Variants in DLC1 observed in about 807,000 individuals in gnomAD.
DLC1 encodes the protein rho GTPase-activating protein 7.
A neutral mutation model predicts 140.3 loss-of-function variants in DLC1; 54 were observed. The ratio of observed to expected loss-of-function variants is 0.38; its 90% CI spans 0.31 to 0.48. The LOEUF (loss-of-function observed/expected upper bound fraction) is 0.48, where lower values mean the gene tolerates loss of function less well. Among genes scored for constraint, DLC1 ranks in the 20% least tolerant of loss-of-function variants. The pLI, the probability that DLC1 is intolerant of heterozygous loss-of-function variation, is 0.96. For missense variants in DLC1, 2,536 were observed against 1,907.0 expected, an observed-to-expected ratio of 1.33 and a Z score of -6.14; for synonymous variants, 986 against 728.1, an observed-to-expected ratio of 1.35 and a Z score of -5.70.
At chr8:13,601,798 TAAC>T (rs913406433) in intron 1 of DLC1, among the ~76,000 whole-genome samples, 11 of 151,864 alleles carry the variant, frequency 7.2e-5, no homozygotes, top group African/African-American at 2.4e-4. Flanking sequence ...CAATCATATA[TAAC>T]AACAACAACA....
chr8:13,257,500 A>G (rs1274361368), intron 5 of DLC1, among the ~76,000 whole-genome samples: 2 of 151,844 alleles, frequency 1.3e-5, no homozygotes, highest in Non-Finnish European at 2.9e-5. Flanking sequence ...GAATATCACT[A>G]TAGCTATTGG....
chr8:13,488,967 G>C (rs1366445999), intron 2 of DLC1, among the ~76,000 whole-genome samples: 1 of 151,708 alleles, frequency 6.6e-6, no homozygotes, highest in Non-Finnish European at 1.5e-5. Context: ...TATTTTTTGA[G>C]ATGCAGTTTT....
intron 5 of DLC1, among the ~76,000 whole-genome samples, chr8:13,142,022 C>T (rs1226605852): frequency 8.5e-5 from 13 of 152,110 alleles, no homozygotes; most frequent in Admixed American, 2.0e-4. Context: ...ATGCTGTTCT[C>T]GTGATAGTGA....
At chr8:13,189,669 G>T (rs1826629720) in intron 5 of DLC1, among the ~76,000 whole-genome samples, 3 of 152,140 alleles carry the variant, frequency 2.0e-5, no homozygotes, top group African/African-American at 7.2e-5. Context: ...GGTCACCTGA[G>T]GTTAGGAGTT....
chr8:13,284,498 G>A (rs1163505435), intron 5 of DLC1, among the ~76,000 whole-genome samples: 1 of 152,136 alleles, frequency 6.6e-6, no homozygotes, highest in Non-Finnish European at 1.5e-5. Flanking sequence ...TTGCACTCCA[G>A]CCTGGGTGAC....
intron 5 of DLC1, among the ~76,000 whole-genome samples, chr8:13,183,888 T>G (rs1368337493): frequency 6.6e-6 from 1 of 152,234 alleles, no homozygotes; most frequent in African/African-American, 2.4e-5. Flanking sequence ...TCAGAAGGAA[T>G]GGTACCAACT....
intron 4 of DLC1, among the ~76,000 whole-genome samples, chr8:13,332,285 C>A (rs537434621): frequency 1.2e-4 from 19 of 152,282 alleles, no homozygotes; most frequent in Admixed American, 2.6e-4. Flanking sequence ...TCCTGCAGTG[C>A]CTCCAGCTCC....
intron 4 of DLC1, among the ~76,000 whole-genome samples, chr8:13,328,844 G>A (rs1833477346): frequency 2.0e-5 from 3 of 152,148 alleles, no homozygotes; most frequent in Non-Finnish European, 2.9e-5. Context: ...CTTCCAAAAT[G>A]AGCTGGACAG....
intron 5 of DLC1, among the ~76,000 whole-genome samples, chr8:13,141,780 C>G (rs535845099): frequency 5.0e-4 from 76 of 152,322 alleles, no homozygotes; most frequent in African/African-American, 1.7e-3. Context: ...CCAAGATTGG[C>G]TTTTCATGTG....
At chr8:13,214,592 T>C (rs1163319557) in intron 5 of DLC1, 4 of 655,284 alleles carry the variant, frequency 6.1e-6, no homozygotes, top group Non-Finnish European at 1.1e-5. Context: ...CCCGAGGAAA[T>C]TGGAGTGCAG....
At chr8:13,458,376 G>A (rs904498146) in intron 2 of DLC1, among the ~76,000 whole-genome samples, 8 of 152,124 alleles carry the variant, frequency 5.3e-5, no homozygotes, top group African/African-American at 1.9e-4. Context: ...AAGAATTAGA[G>A]CACAGAATTC....
chr8:13,553,203 C>CATATATATATATATATATATGTAT (rs1803922073), intron 1 of DLC1, among the ~76,000 whole-genome samples: 1 of 68,022 alleles, frequency 1.5e-5, no homozygotes, highest in African/African-American at 5.1e-5. Flanking sequence ...TGCCAGCTGT[C>CATATATATATATATATATATGTAT]ATATATATAT....
At chr8:13,578,469 C>G (rs1054669908) in intron 1 of DLC1, among the ~76,000 whole-genome samples, 12 of 152,158 alleles carry the variant, frequency 7.9e-5, no homozygotes, top group African/African-American at 2.9e-4. Context: ...TCTGACATAT[C>G]TACCTGGAGT....
At chr8:13,470,060 C>T (rs1190359950) in intron 2 of DLC1, among the ~76,000 whole-genome samples, 1 of 152,100 alleles carries the variant, frequency 6.6e-6, no homozygotes, top group East Asian at 1.9e-4. Context: ...CTCAGCCACC[C>T]ATTCAACCTT....
rs1426148183 is a variant in DLC1 at position 13,244,725 on chromosome 8, C to T, written c.1348+60544G>A. On this transcript the variant is annotated intron_variant, in intron 5 of 17. Transcript: ENST00000276297. ...GTTTCTTCATCTGATGGACTCTCAC[C>T]CACCTTTCCTGAATCTCCTGGCCAA... is the stretch of plus-strand genomic sequence containing the variant. 3.9e-5 allele frequency among the ~76,000 whole-genome samples: 6 copies of T among 152,206 alleles called. No homozygotes were observed. The East Asian group carries it at 1.2e-3, about 29-fold the overall frequency.
intron 5 of DLC1, among the ~76,000 whole-genome samples, chr8:13,211,537 G>C (rs1370793027): frequency 2.0e-5 from 3 of 152,208 alleles, no homozygotes; most frequent in African/African-American, 7.2e-5. Context: ...CATCAGCTGG[G>C]TGTGGGGAAG....
intron 1 of DLC1, among the ~76,000 whole-genome samples, chr8:13,585,717 C>T (rs1805281341): frequency 6.6e-6 from 1 of 152,058 alleles, no homozygotes; most frequent in South Asian, 2.1e-4. Flanking sequence ...TTTGGTGTTC[C>T]TTGGCTTGTA....
In DLC1 at chr8:13,453,424, GTGTATATATA is replaced by G. The variant is rs1408365827; in HGVS notation, c.1023+45615_1023+45624del. Among the ~76,000 whole-genome samples, 34 of 56,506 alleles carry G rather than the reference GTGTATATATA, an allele frequency of 6.0e-4. 1 individual carries two copies. Among genetic ancestry groups the G allele is most frequent in the Admixed American group, 1.5e-3 (6 of 4,092 alleles). The allele number at this position is 56,506 out of a possible 152,430, so 37.1% of individuals were successfully genotyped here. On this transcript the variant is annotated intron_variant, in intron 2 of 17. Coordinates refer to ENST00000276297, the MANE Select transcript of DLC1 (RefSeq NM_182643.3). ...TATGTGTATATATATATATATATAT[GTGTATATATA>G]TATGTATATATATACATATATATAT...
intron 1 of DLC1, among the ~76,000 whole-genome samples, chr8:13,595,561 T>G (rs1025628737): frequency 6.6e-6 from 1 of 152,034 alleles, no homozygotes; most frequent in Admixed American, 6.6e-5. Flanking sequence ...TAATCTTGAG[T>G]TCTTTATGAT....
Sources: gnomAD v4.1 joint callset for allele counts (sites outside exome capture counted in the v4.1 genomes callset) on GRCh38, gnomAD v4.1.1 for gene constraint, MANE v1.5 for transcripts, NCBI Gene and HGNC (gene_info 2026-07-23, HGNC 2026-07-21) for gene names.